The following THRB variants were observed in gnomAD, a reference collection of about 807,000 sequenced individuals.
THRB encodes nuclear receptor subfamily 1 group A member 2.
THRB carries 12 observed loss-of-function variants against 47.8 expected under a neutral mutation model. That is an observed-to-expected ratio of 0.25 (90% CI 0.16 to 0.41). The LOEUF is 0.41. Ranked by LOEUF, THRB falls within the 10% of genes least tolerant of loss-of-function variation. The pLI, the probability that THRB is intolerant of heterozygous loss-of-function variation, is 1.00. For synonymous variants in THRB, 218 were observed against 212.2 expected, an observed-to-expected ratio of 1.03 and a Z score of -0.24; for missense variants, 348 against 589.2, an observed-to-expected ratio of 0.59 and a Z score of 4.24.
At chr3:24,156,729 C>T (rs917018515) in intron 5 of THRB, among the ~76,000 whole-genome samples, 6 of 152,100 alleles carry the variant, frequency 3.9e-5, no homozygotes, top group Non-Finnish European at 8.8e-5. Context: ...ATTTTGTCAC[C>T]CTTCAGGAAG....
At chr3:24,272,756 G>T (rs886156458) in intron 3 of THRB, among the ~76,000 whole-genome samples, 2 of 151,986 alleles carry the variant, frequency 1.3e-5, no homozygotes, top group Non-Finnish European at 2.9e-5. Context: ...CACTTTTGTT[G>T]TGACCATATA....
chr3:24,481,230 T>TTG, intron 1 of THRB, among the ~76,000 whole-genome samples: 1 of 46,644 alleles, frequency 2.1e-5, no homozygotes, highest in Non-Finnish European at 4.6e-5. Context: ...TTTCTTTCTG[T>TTG]TTTTTTTTTT....
chr3:24,395,801 A>C (rs1459958236), intron 1 of THRB, among the ~76,000 whole-genome samples: 1 of 152,160 alleles, frequency 6.6e-6, no homozygotes, highest in African/African-American at 2.4e-5. Flanking sequence ...CCCACAAAAA[A>C]ACTTGTACAT....
chr3:24,184,541 T>A (rs918646756), intron 5 of THRB, among the ~76,000 whole-genome samples: 6 of 152,170 alleles, frequency 3.9e-5, no homozygotes, highest in African/African-American at 1.4e-4. Context: ...TTTTCTTCCC[T>A]CCAATCTCGT....
rs576460938 is a variant in THRB, at chr3:24,456,175, T to A, written c.-261+38477A>T. On this transcript the variant is annotated intron_variant, in intron 1 of 10. Transcript: ENST00000646209. Reference sequence around the variant, plus strand: ...GAGGCCTAATCTCTAAGAAAAAAAATTTTTTAAAAATTAACTGGGTGTTCT... The same window carrying A: ...GAGGCCTAATCTCTAAGAAAAAAAAATTTTTAAAAATTAACTGGGTGTTCT... Among the ~76,000 whole-genome samples, 408 of 151,598 alleles carry A rather than the reference T, an allele frequency of 2.7e-3. 2 individuals carry two copies. Among genetic ancestry groups the A allele is most frequent in the Non-Finnish European group, 4.3e-3 (289 of 67,880 alleles).
intron 2 of THRB, among the ~76,000 whole-genome samples, chr3:24,325,744 A>G (rs2058763666): frequency 1.3e-5 from 2 of 152,164 alleles, no homozygotes; most frequent in African/African-American, 4.8e-5. Context: ...AAATATAACA[A>G]TCCCTGCCTG....
rs375717517 is a variant in THRB at position 24,340,485 on chromosome 3, C to T, written c.-260-3114G>A. Reference sequence around the variant, plus strand: ...TAGATTGATTGCATTGTATTAGTGGCCTTTTTTTTTTTGTAAAGTGCTTAT... The same window carrying T: ...TAGATTGATTGCATTGTATTAGTGGTCTTTTTTTTTTTGTAAAGTGCTTAT... On this transcript the variant is annotated intron_variant, in intron 1 of 10. Transcript: ENST00000646209. 3.6e-4 allele frequency among the ~76,000 whole-genome samples: 53 copies of T among 145,890 alleles called. No individual in the cohort carries two copies. The Middle Eastern group carries it at 0.018, about 50-fold the overall frequency.
intron 1 of THRB, among the ~76,000 whole-genome samples, chr3:24,381,381 C>T (rs1162835493): frequency 6.6e-6 from 1 of 152,022 alleles, no homozygotes; most frequent in Admixed American, 6.6e-5. Flanking sequence ...TTCCAAATGC[C>T]CTGCAATCCA....
chr3:24,490,099 T>A (rs71328481), intron 1 of THRB, among the ~76,000 whole-genome samples: 11,746 of 152,238 alleles, frequency 0.077, 669 homozygotes, highest in Admixed American at 0.17. Flanking sequence ...ATGGAGACAA[T>A]TTCAGAATCC....
At position 24,316,232 on chromosome 3, in the gene THRB, G is replaced by A. The variant is rs555460231; in HGVS notation, c.-188-18861C>T. 5.9e-5 allele frequency among the ~76,000 whole-genome samples: 9 copies of A among 152,192 alleles called. No individual in the cohort carries two copies. In the South Asian group the frequency reaches 1.9e-3, roughly 32 times the overall value. ...TACAGAGTCATGAAAATAACTGCTG[G>A]TCAACCACCAAAACAAAATTTGGCT... is the stretch of plus-strand genomic sequence containing the variant. On this transcript the variant is annotated intron_variant, in intron 2 of 10. Transcript: ENST00000646209.
intron 5 of THRB, among the ~76,000 whole-genome samples, chr3:24,170,993 A>G (rs1467830273): frequency 6.6e-6 from 1 of 152,200 alleles, no homozygotes; most frequent in African/African-American, 2.4e-5. Flanking sequence ...GAGAACAGAG[A>G]TAGAGCTGTT....
At chr3:24,403,391 A>T (rs1341771589) in intron 1 of THRB, among the ~76,000 whole-genome samples, 1 of 152,020 alleles carries the variant, frequency 6.6e-6, no homozygotes, top group East Asian at 1.9e-4. Context: ...AGCAAATAAG[A>T]TAAAACGTTA....
chr3:24,474,881 C>T (rs998331919), intron 1 of THRB, among the ~76,000 whole-genome samples: 1 of 152,132 alleles, frequency 6.6e-6, no homozygotes, highest in Non-Finnish European at 1.5e-5. Context: ...GCTTTTCTTA[C>T]TAATTGAAAA....
rs112099448 is a variant in THRB at position 24,146,917 on chromosome 3, G to A, written c.385-95C>T. On this transcript the variant is annotated intron_variant, in intron 6 of 10. Transcript: ENST00000646209. ...TGTCCATATAACTATGAGATGAATC[G>A]TTTTGGACCTTAACCTGTTTCTAGG... The A allele has an allele frequency of 3.7e-4, 425 of 1,136,020 alleles. No homozygotes were observed. In the African/African-American group the frequency reaches 5.2e-3, roughly 14 times the overall value. The allele number at this position is 1,136,020 out of a possible 1,614,324, so 70.4% of individuals were successfully genotyped here.
intron 2 of THRB, among the ~76,000 whole-genome samples, chr3:24,308,564 T>C (rs989898175): frequency 6.6e-6 from 1 of 152,226 alleles, no homozygotes; most frequent in Non-Finnish European, 1.5e-5. Flanking sequence ...ATTTGAGGCA[T>C]GTGAAAAACT....
chr3:24,257,629 C>G (rs1219007032), intron 3 of THRB, among the ~76,000 whole-genome samples: 1 of 152,166 alleles, frequency 6.6e-6, no homozygotes, highest in African/African-American at 2.4e-5. Flanking sequence ...AATTACTCAA[C>G]CATGCCATGC....
intron 6 of THRB, among the ~76,000 whole-genome samples, chr3:24,147,236 A>C (rs569914466): frequency 6.6e-5 from 10 of 152,220 alleles, no homozygotes; most frequent in Non-Finnish European, 1.5e-4. Context: ...TCCAAGACCA[A>C]GAAGAAAGTG....
At chr3:24,315,614 T>C (rs938882849) in intron 2 of THRB, among the ~76,000 whole-genome samples, 5 of 152,160 alleles carry the variant, frequency 3.3e-5, no homozygotes, top group Admixed American at 6.5e-5. Flanking sequence ...TGAGCAAAGC[T>C]TGTGGTAACC....
chr3:24,391,293 G>C (rs1287967254), intron 1 of THRB, among the ~76,000 whole-genome samples: 2 of 152,134 alleles, frequency 1.3e-5, no homozygotes, highest in Non-Finnish European at 2.9e-5. Flanking sequence ...CTACAGAAAA[G>C]GTCTTGTGGA....
Sources: gnomAD v4.1 joint callset for allele counts (sites outside exome capture counted in the v4.1 genomes callset) on GRCh38, gnomAD v4.1.1 for gene constraint, MANE v1.5 for transcripts, NCBI Gene and HGNC (gene_info 2026-07-23, HGNC 2026-07-21) for gene names.